ANKRD22: variants seen among roughly 807,000 people sequenced by gnomAD.
ANKRD22 encodes ankyrin repeat domain 22.
Under a neutral mutation model 25.7 loss-of-function variants are expected in ANKRD22, and 24 were observed. The ratio of observed to expected loss-of-function variants is 0.93; its 90% confidence interval spans 0.68 to 1.31. The LOEUF is 1.31. ANKRD22 is among the 50% of genes most tolerant of loss of function. The pLI is 0.00. For missense variants in ANKRD22, 214 were observed against 227.1 expected (o/e 0.94, Z 0.37); for synonymous variants, 84 against 84.3 (o/e 1.00, Z 0.02).
At position 88,831,983 on chromosome 10, in the gene ANKRD22, C is replaced by T; in HGVS notation, c.65G>A (p.Trp22Ter). Reference protein sequence around the residue: ...AAYQNDFGQVWRWVKEDSSYA... With the variant: ...AAYQNDFGQV ...GCTGCTGTCTTCTTTCACCCACCGC[C>T]ACACTTGTCCAAAGTCATTCTGATA... is the stretch of plus-strand genomic sequence containing the variant. Residue 22 changes from tryptophan (W) to a stop codon, truncating the protein, a stop_gained, in exon 2 of 6, where the codon TGG becomes TAG. Transcript: ENST00000371930. LOFTEE classifies it high-confidence loss of function. 1.2e-6 allele frequency: 2 copies of T among 1,613,640 alleles called. No homozygotes were observed. The highest frequency in any genetic ancestry group is 1.7e-6 in the Non-Finnish European group (2 of 1,179,828).
intron 4 of ANKRD22, 179 bp from the exon 5 acceptor site, chr10:88,823,557 G>T (rs1843822454): frequency 1.8e-6 from 1 of 542,582 alleles, no homozygotes; most frequent in Admixed American, 3.1e-5. Flanking sequence ...GCCGGGCGCG[G>T]TGGCTCACGC....
At chr10:88,831,765 A>G in intron 2 of ANKRD22, 70 bp downstream of exon 2, 1 of 1,427,780 alleles carries the variant, frequency 7.0e-7, no homozygotes, top group Non-Finnish European at 9.3e-7. Flanking sequence ...GACATGCACC[A>G]CTTCTAGTGA....
intron 1 of ANKRD22, among the ~76,000 whole-genome samples, chr10:88,844,262 G>T (rs1307318390): frequency 6.6e-6 from 1 of 152,126 alleles, no homozygotes; most frequent in Non-Finnish European, 1.5e-5. Context: ...AAGGGGAGTG[G>T]CGGGAAATTT....
chr10:88,832,594 G>A (rs1226437640), intron 1 of ANKRD22, among the ~76,000 whole-genome samples: 1 of 151,278 alleles, frequency 6.6e-6, no homozygotes, highest in Non-Finnish European at 1.5e-5. Flanking sequence ...ATGGGGAGGA[G>A]TTTAGGGCAG....
chr10:88,842,247 G>A (rs556312408), intron 1 of ANKRD22, among the ~76,000 whole-genome samples: 1 of 152,210 alleles, frequency 6.6e-6, no homozygotes, highest in South Asian at 2.1e-4. Context: ...CACCTTAGCA[G>A]CATCTCATTT....
At chr10:88,839,302 G>A (rs762155865) in intron 1 of ANKRD22, among the ~76,000 whole-genome samples, 9 of 152,106 alleles carry the variant, frequency 5.9e-5, no homozygotes, top group Non-Finnish European at 1.2e-4. Flanking sequence ...AATTGGTATT[G>A]AAATGGGGTG....
Position 88,832,080 on chromosome 10 carries a change from A to T in ANKRD22, c.22-54T>A. On this transcript the variant is annotated intron_variant, in intron 1 of 5. Transcript: ENST00000371930. ...TGAAATACTGGCATAATTAAACCAC[A>T]AAAACGAAAAAAAAGTCATAACCCA... 3 of 1,494,968 alleles carry T rather than the reference A, an allele frequency of 2.0e-6. No individual in the cohort carries two copies. The East Asian group carries it at 6.9e-5, about 34-fold the overall frequency. The allele number at this position is 1,494,968 out of a possible 1,614,324, so 92.6% of individuals were successfully genotyped here. A position where few individuals can be genotyped will look rare whatever the true frequency, so the allele number is the denominator to read the frequency against.
chr10:88,820,758 A>G lies in ANKRD22; in HGVS notation c.*2183T>C, dbSNP rs74332561. Among the ~76,000 whole-genome samples, 692 of 152,302 alleles carry G rather than the reference A, an allele frequency of 4.5e-3. 3 individuals carry two copies. Among genetic ancestry groups the G allele is most frequent in the African/African-American group, 0.016 (649 of 41,562 alleles). On this transcript the variant is annotated 3_prime_UTR_variant, in exon 6 of 6. Transcript: ENST00000371930. ...CCTGATAGCCAGAAAATATCTAGAC[A>G]TTCTCTATATCATTCAGGTAAATCT...
rs753558387 is a variant in ANKRD22 at position 88,823,237 on chromosome 10, C to G, written c.498+43G>C. ...AACATAAGGCCTAGATTAGAAGATG[C>G]TGCTGCTAGAGGAACCTCAGACCAC... is the stretch of plus-strand genomic sequence containing the variant. On this transcript the variant is annotated intron_variant, in intron 5 of 5. Transcript: ENST00000371930. 3 of 1,512,394 alleles carry G rather than the reference C, an allele frequency of 2.0e-6. No homozygotes were observed. The South Asian group carries it at 3.4e-5, about 17-fold the overall frequency. 93.7% of individuals were successfully genotyped at this position (1,512,394 alleles called of 1,614,324 possible). A position where few individuals can be genotyped will look rare whatever the true frequency, so the allele number is the denominator to read the frequency against.
At chr10:88,828,959 A>G (rs1843880850) in intron 2 of ANKRD22, among the ~76,000 whole-genome samples, 1 of 152,192 alleles carries the variant, frequency 6.6e-6, no homozygotes, top group Admixed American at 6.5e-5. Context: ...TTTTGGAAAA[A>G]AAGATACACT....
chr10:88,848,166 ATATATGTGTATATATATATGTATATATG>A, intron 1 of ANKRD22, among the ~76,000 whole-genome samples: 1 of 130,676 alleles, frequency 7.7e-6, no homozygotes, highest in African/African-American at 3.2e-5. Flanking sequence ...ATATATATGT[ATATATGTGTATATATATATGTATATATG>A]TATATATACA....
chr10:88,832,808 C>T (rs1009119942), intron 1 of ANKRD22, among the ~76,000 whole-genome samples: 1 of 152,138 alleles, frequency 6.6e-6, no homozygotes, highest in Non-Finnish European at 1.5e-5. Context: ...TGATCTTGTC[C>T]TCTTTCCCTC....
In ANKRD22 at chr10:88,851,592, A is replaced by T. The variant is rs948403704; in HGVS notation, c.16T>A (p.Ser6Thr). 1.9e-6 allele frequency: 3 copies of T among 1,613,326 alleles called. No individual in the cohort carries two copies. In the African/African-American group the frequency reaches 4.0e-5, roughly 22 times the overall value. ...CTTTCAGAAAGGTGATGTACCTCAG[A>T]GTATAGGATTCCCATGCTGGTCCTT... is the stretch of plus-strand genomic sequence containing the variant. Reference protein sequence around the residue: MGILYSEPICQAAYQN... With the variant: MGILYTEPICQAAYQN... Residue 6 changes from serine (S) to threonine (T), a missense_variant, in exon 1 of 6, where the codon TCT becomes ACT. Ser to Thr is a moderately conservative substitution (Grantham distance 58). Transcript: ENST00000371930.
At chr10:88,841,090 T>C (rs1031046952) in intron 1 of ANKRD22, among the ~76,000 whole-genome samples, 2 of 152,076 alleles carry the variant, frequency 1.3e-5, no homozygotes, top group African/African-American at 4.8e-5. Flanking sequence ...GAACATGAAG[T>C]TATGTTCCTT....
intron 1 of ANKRD22, among the ~76,000 whole-genome samples, chr10:88,840,349 T>C (rs961545884): frequency 2.0e-5 from 3 of 152,218 alleles, no homozygotes; most frequent in Non-Finnish European, 4.4e-5. Flanking sequence ...CTGCTCTAAG[T>C]ACAATAGATA....
At chr10:88,823,747 G>A (rs1392524692) in intron 4 of ANKRD22, among the ~76,000 whole-genome samples, 1 of 149,770 alleles carries the variant, frequency 6.7e-6, no homozygotes, top group Non-Finnish European at 1.5e-5. Flanking sequence ...AGAATGGCTC[G>A]AACCCGGGAG....
In ANKRD22 at chr10:88,841,210, A is replaced by C. The variant is rs138738083; in HGVS notation, c.22-9184T>G. On this transcript the variant is annotated intron_variant, in intron 1 of 5. Transcript: ENST00000371930. ...AGAAGATCCTTCACCTCCAGCGAGGAGTAAGGGTGGAGGAAGAGTGGGTTC... is the reference window on the plus strand; with the variant it reads ...AGAAGATCCTTCACCTCCAGCGAGGCGTAAGGGTGGAGGAAGAGTGGGTTC... Among the ~76,000 whole-genome samples the C allele has an allele frequency of 6.1e-3, 931 of 152,200 alleles. 10 individuals are homozygous for C. Among genetic ancestry groups the C allele is most frequent in the African/African-American group, 0.021 (859 of 41,534 alleles).
chr10:88,835,144 A>C (rs535937889), intron 1 of ANKRD22, among the ~76,000 whole-genome samples: 2 of 152,268 alleles, frequency 1.3e-5, no homozygotes, highest in East Asian at 1.9e-4. Context: ...TAGGCTTCTC[A>C]AAGTCTTTAC....
At chr10:88,850,289 A>G (rs1844092393) in intron 1 of ANKRD22, among the ~76,000 whole-genome samples, 1 of 151,926 alleles carries the variant, frequency 6.6e-6, no homozygotes, top group African/African-American at 2.4e-5. Flanking sequence ...CCTTTTTCCA[A>G]ATCACATATA....
Sources: gnomAD v4.1 joint callset for allele counts (sites outside exome capture counted in the v4.1 genomes callset) on GRCh38, gnomAD v4.1.1 for gene constraint, MANE v1.5 for transcripts, NCBI Gene and HGNC (gene_info 2026-07-23, HGNC 2026-07-21) for gene names.